Variants in SOS1 observed in about 807,000 individuals in gnomAD.
The protein encoded by SOS1 is son of sevenless homolog 1.
A neutral mutation model predicts 157.6 loss-of-function variants in SOS1; 25 were observed. The ratio of observed to expected loss-of-function variants is 0.16; its 90% CI spans 0.12 to 0.22. The LOEUF (loss-of-function observed/expected upper bound fraction) is 0.22. Among genes scored for constraint, SOS1 ranks in the 10% least tolerant of loss-of-function variants. SOS1 has a pLI of 1.00. For synonymous variants in SOS1, 528 were observed against 534.0 expected, an observed-to-expected ratio of 0.99 and a Z score of 0.16; for missense variants, 1,237 against 1,599.1, an observed-to-expected ratio of 0.77 and a Z score of 3.86.
At chr2:39,027,300 T>A (rs1177741705) in intron 8 of SOS1, among the ~76,000 whole-genome samples, 1 of 152,216 alleles carries the variant, frequency 6.6e-6, no homozygotes, top group African/African-American at 2.4e-5. Context: ...ACTATTTAAC[T>A]GTAGCATTTT....
At chr2:39,015,473 A>G (rs1669599636) in intron 10 of SOS1, among the ~76,000 whole-genome samples, 2 of 152,040 alleles carry the variant, frequency 1.3e-5, no homozygotes, top group Non-Finnish European at 2.9e-5. Context: ...CCAACCTTTA[A>G]TTGCCTTTAT....
chr2:39,073,699 A>G (rs560735962), intron 1 of SOS1, among the ~76,000 whole-genome samples: 1 of 152,218 alleles, frequency 6.6e-6, no homozygotes, highest in Non-Finnish European at 1.5e-5. Context: ...TTAGGTGTAT[A>G]TCGATTCCTA....
intron 1 of SOS1, among the ~76,000 whole-genome samples, chr2:39,100,387 C>T (rs1328438351): frequency 6.6e-6 from 1 of 151,970 alleles, no homozygotes; most frequent in Non-Finnish European, 1.5e-5. Flanking sequence ...GTCACAATAG[C>T]CAAGTTATGG....
chr2:39,002,802 C>T (rs1234219820), intron 17 of SOS1, among the ~76,000 whole-genome samples: 1 of 152,098 alleles, frequency 6.6e-6, no homozygotes, highest in Admixed American at 6.5e-5. Flanking sequence ...CGGTGGCTCA[C>T]ACCTGTAATC....
intron 1 of SOS1, among the ~76,000 whole-genome samples, chr2:39,068,182 T>C (rs1198061472): frequency 6.6e-6 from 1 of 152,190 alleles, no homozygotes. Flanking sequence ...ATTTGAATGA[T>C]ACTGACCTAG....
intron 6 of SOS1, among the ~76,000 whole-genome samples, chr2:39,038,387 G>T (rs1295828338): frequency 6.6e-6 from 1 of 152,080 alleles, no homozygotes; most frequent in Non-Finnish European, 1.5e-5. Context: ...TTGAATTGCT[G>T]CAAGTTTATG....
intron 1 of SOS1, among the ~76,000 whole-genome samples, chr2:39,106,882 G>C (rs1423942113): frequency 6.6e-6 from 1 of 152,154 alleles, no homozygotes. Context: ...CCAGTTCATA[G>C]AGTAAAAATT....
chr2:39,042,704 A>G (rs1670615154), intron 6 of SOS1, among the ~76,000 whole-genome samples: 1 of 143,498 alleles, frequency 7.0e-6, no homozygotes, highest in Non-Finnish European at 1.5e-5. Context: ...TGCCCAGCTA[A>G]TTTTATGATT....
At chr2:39,063,758 T>G (rs974400802) in intron 2 of SOS1, among the ~76,000 whole-genome samples, 1 of 152,220 alleles carries the variant, frequency 6.6e-6, no homozygotes, top group Non-Finnish European at 1.5e-5. Context: ...AGCTACCAAA[T>G]TAAGCAGTAA....
chr2:39,095,077 T>C (rs931856740), intron 1 of SOS1, among the ~76,000 whole-genome samples: 4 of 152,168 alleles, frequency 2.6e-5, no homozygotes, highest in African/African-American at 9.7e-5. Context: ...AACAGCCACG[T>C]AAGGCACTTC....
At chr2:38,986,378 A>T (rs1326945732) in intron 22 of SOS1, 63 bp from the exon 23 acceptor site, 1 of 1,444,848 alleles carries the variant, frequency 6.9e-7, no homozygotes, top group East Asian at 2.5e-5. Flanking sequence ...CATGACTATA[A>T]GAATTAAGTT....
intron 1 of SOS1, among the ~76,000 whole-genome samples, chr2:39,090,516 C>G (rs1672553263): frequency 6.6e-6 from 1 of 151,704 alleles, no homozygotes; most frequent in East Asian, 2.0e-4. Context: ...GCCAACATGG[C>G]AAAACCCCAT....
chr2:39,061,359 C>A (rs1018092760), intron 2 of SOS1, among the ~76,000 whole-genome samples: 8 of 149,694 alleles, frequency 5.3e-5, no homozygotes, highest in Non-Finnish European at 3.0e-5. Context: ...AATAAAATTT[C>A]TTTCACAAAC....
intron 1 of SOS1, among the ~76,000 whole-genome samples, chr2:39,068,135 T>G (rs1386321074): frequency 2.0e-5 from 3 of 151,996 alleles, no homozygotes; most frequent in African/African-American, 4.8e-5. Context: ...AAGAAGTGGG[T>G]TTGTATTTAA....
At chr2:38,986,450 T>A (rs1323127243) in intron 22 of SOS1, 135 bp from the exon 23 acceptor site, 3 of 894,004 alleles carry the variant, frequency 3.4e-6, no homozygotes, top group Non-Finnish European at 4.9e-6. Context: ...TTGCCATATG[T>A]TTTCTTTTTA....
rs963730 is a variant in SOS1, at chr2:38,989,632, T to C, written c.3347-318A>G. Reference sequence around the variant, plus strand: ...CAAGCAAAAAGTTCAGCTGGATGTATATAAATATGCCATTTAGTAAATATT... The same window carrying C: ...CAAGCAAAAAGTTCAGCTGGATGTACATAAATATGCCATTTAGTAAATATT... On this transcript the variant is annotated intron_variant, in intron 20 of 22. Transcript: ENST00000402219. Among the ~76,000 whole-genome samples the C allele has an allele frequency of 0.79, 120,462 of 152,098 alleles. 50,601 individuals carry two copies. The highest frequency in any genetic ancestry group is 0.92 in the Non-Finnish European group (62,719 of 67,954).
intron 1 of SOS1, 152 bp downstream of exon 1, chr2:39,120,184 T>G (rs1205273739): frequency 1.7e-6 from 1 of 598,150 alleles, no homozygotes; most frequent in African/African-American, 2.0e-5. Context: ...GCCAGCCGTA[T>G]GAGGGGGGCC....
At chr2:39,116,415 C>G (rs1240258808) in intron 1 of SOS1, among the ~76,000 whole-genome samples, 2 of 152,198 alleles carry the variant, frequency 1.3e-5, no homozygotes, top group Admixed American at 1.3e-4. Flanking sequence ...CATCCTTGTT[C>G]AAATGCACCC....
chr2:39,101,915 G>C (rs931915584), intron 1 of SOS1, among the ~76,000 whole-genome samples: 4 of 151,834 alleles, frequency 2.6e-5, no homozygotes, highest in African/African-American at 9.7e-5. Flanking sequence ...TAATTAAAAA[G>C]TACTACTTTA....
Sources: allele counts gnomAD v4.1 joint callset (sites outside exome capture counted in the v4.1 genomes callset), GRCh38; gene constraint gnomAD v4.1.1; transcripts MANE v1.5; gene names NCBI Gene and HGNC (gene_info 2026-07-23, HGNC 2026-07-21).